The following CALHM3 variants were observed in gnomAD, a reference collection of about 807,000 sequenced individuals.
CALHM3 encodes the protein calcium homeostasis modulator protein 3.
Under a neutral mutation model 13.6 loss-of-function variants are expected in CALHM3, and 9 were observed. The observed-to-expected ratio is 0.66, with a 90% CI of 0.40 to 1.15. CALHM3 has a LOEUF of 1.15. Among genes scored for constraint, CALHM3 ranks in the 50% most tolerant of loss-of-function variants. CALHM3 has a pLI of 0.01. For missense variants in CALHM3, 497 were observed against 463.4 expected, an observed-to-expected ratio of 1.07 and a Z score of -0.67; for synonymous variants, 231 against 213.2, an observed-to-expected ratio of 1.08 and a Z score of -0.73.
intron 1 of CALHM3, among the ~76,000 whole-genome samples, chr10:103,477,871 C>A (rs956128558): frequency 6.6e-6 from 1 of 151,748 alleles, no homozygotes; most frequent in Non-Finnish European, 1.5e-5. Context: ...CCGCGCCTGG[C>A]CCCCCCACCC....
At chr10:103,476,200 A>G (rs1421367748) in intron 2 of CALHM3, 94 bp downstream of exon 2, 1 of 1,491,830 alleles carries the variant, frequency 6.7e-7, no homozygotes, top group African/African-American at 1.4e-5. Flanking sequence ...TGAGCCCATC[A>G]TCTGTCCCTC....
Position 103,473,528 on chromosome 10 carries a change from G to A in CALHM3, c.720C>T (p.His240=). The part of the protein sequence containing the change: ...TCCEHARDFA[H]RCVLHFFASM... ...TGGCAAAGAAGTGCAGCACGCAGCGGTGCGCGAAGTCCCGCGCATGCTCAC... is the reference window on the plus strand; with the variant it reads ...TGGCAAAGAAGTGCAGCACGCAGCGATGCGCGAAGTCCCGCGCATGCTCAC... The change falls in exon 3 of 3, where the codon CAC becomes CAT. Residue 240 remains histidine, a synonymous_variant. Transcript: ENST00000369783. 6.4e-7 allele frequency: 1 copy of A among 1,551,174 alleles called. No homozygotes were observed. Among genetic ancestry groups the A allele is most frequent in the Non-Finnish European group, 8.7e-7 (1 of 1,147,006 alleles).
Position 103,473,187 on chromosome 10 carries a change from C to G in CALHM3, c.*26G>C, listed in dbSNP as rs886126933. On this transcript the variant is annotated 3_prime_UTR_variant, in exon 3 of 3. Coordinates refer to ENST00000369783, the MANE Select transcript of CALHM3 (RefSeq NM_001129742.2). ...CAGCGCGGCATTTCACCTGCGAACA[C>G]TGCCGCTTCAAGCCTGGCCAGGACC... 3 of 1,332,186 alleles carry G rather than the reference C, an allele frequency of 2.3e-6. No homozygotes were observed. The allele number at this position is 1,332,186 out of a possible 1,614,324, so 82.5% of individuals were successfully genotyped here.
chr10:103,473,937 T>C (rs1052016907), intron 2 of CALHM3, among the ~76,000 whole-genome samples: 5 of 152,156 alleles, frequency 3.3e-5, no homozygotes, highest in Admixed American at 1.3e-4. Context: ...CCAAATAAAA[T>C]AAATTGAGAA....
chr10:103,476,982 A>G (rs2033397345), intron 1 of CALHM3, among the ~76,000 whole-genome samples: 1 of 152,224 alleles, frequency 6.6e-6, no homozygotes, highest in South Asian at 2.1e-4. Context: ...CCCCAGAGGG[A>G]TGGGGCCTTG....
At chr10:103,478,481 G>A (rs187857408) in intron 1 of CALHM3, among the ~76,000 whole-genome samples, 3 of 152,308 alleles carry the variant, frequency 2.0e-5, no homozygotes, top group East Asian at 1.9e-4. Flanking sequence ...TCATTCCTAT[G>A]TTTACAGCAC....
At chr10:103,477,273 G>A (rs1035568419) in intron 1 of CALHM3, among the ~76,000 whole-genome samples, 27 of 152,176 alleles carry the variant, frequency 1.8e-4, no homozygotes, top group African/African-American at 6.5e-4. Context: ...CCTGCCTGTA[G>A]TGACCTCGAC....
chr10:103,476,099 T>G (rs931807443), intron 2 of CALHM3, among the ~76,000 whole-genome samples, 195 bp downstream of exon 2: 2 of 152,190 alleles, frequency 1.3e-5, no homozygotes, highest in Non-Finnish European at 2.9e-5. Flanking sequence ...GAGATTAGTA[T>G]TATTTCTCAC....
chr10:103,473,625 G>A lies in CALHM3; in HGVS notation c.623C>T (p.Thr208Ile). 1.3e-6 allele frequency: 2 copies of A among 1,551,298 alleles called. No homozygotes were observed. The highest frequency in any genetic ancestry group is 1.7e-6 in the Non-Finnish European group (2 of 1,147,018). ...CCAGTATCTGCGCTGCAGGAAGACT[G>A]TCTGGTCGAAGCAGGGCCTCAGGCA... ...ARCLRPCFDQ[T>I]VFLQRRYWSN... is the part of the protein sequence containing the mutation. The change falls in exon 3 of 3, where the codon ACA (threonine) becomes ATA (isoleucine). Residue 208 changes from threonine (T) to isoleucine (I), a missense_variant. Transcript: ENST00000369783.
chr10:103,476,492 C>A lies in CALHM3; in HGVS notation c.345G>T (p.Leu115=), dbSNP rs2033390629. The A allele has an allele frequency of 1.3e-6, 2 of 1,551,678 alleles. No homozygotes were observed. Among genetic ancestry groups the A allele is most frequent in the Non-Finnish European group, 1.7e-6 (2 of 1,147,010 alleles). Residue 115 remains leucine, a synonymous_variant, in exon 2 of 3, where the codon CTG becomes CTT. Transcript: ENST00000369783. ...AGCACTTCCCGTCAAGGAGGGCCAG[C>A]AGGATCCAGACCAGGGGGGCGGCCA... The part of the protein sequence containing the change: ...RALAAPLVWI[L]LALLDGKCFV...
chr10:103,477,876 C>G (rs779615858), intron 1 of CALHM3, among the ~76,000 whole-genome samples: 26 of 152,152 alleles, frequency 1.7e-4, no homozygotes, highest in Non-Finnish European at 3.4e-4. Context: ...CCTGGCCCCC[C>G]CACCCAATCT....
At chr10:103,476,051 C>T (rs1040284376) in intron 2 of CALHM3, among the ~76,000 whole-genome samples, 23 of 152,194 alleles carry the variant, frequency 1.5e-4, no homozygotes, top group African/African-American at 5.3e-4. Flanking sequence ...ATATAAAATG[C>T]TCACTGCAGT....
chr10:103,475,444 C>G (rs2033377463), intron 2 of CALHM3, among the ~76,000 whole-genome samples: 1 of 152,224 alleles, frequency 6.6e-6, no homozygotes, highest in African/African-American at 2.4e-5. Flanking sequence ...CATGCTCTTT[C>G]CACCGAACTA....
At position 103,473,128 on chromosome 10, in the gene CALHM3, G is replaced by C. The variant is rs541076744; in HGVS notation, c.*85C>G. ...CAAGACTTAGGGTGCCTGCCGTGGG[G>C]TCCCCACGGCCTGGAAAGACTCCAG... On this transcript the variant is annotated 3_prime_UTR_variant, in exon 3 of 3. Coordinates refer to ENST00000369783, the MANE Select transcript of CALHM3 (RefSeq NM_001129742.2). The C allele has an allele frequency of 2.8e-5, 35 of 1,254,446 alleles. No individual in the cohort carries two copies. In the East Asian group the frequency reaches 9.4e-4, roughly 34 times the overall value. 77.7% of individuals were successfully genotyped at this position (1,254,446 alleles called of 1,614,324 possible). A position where few individuals can be genotyped will look rare whatever the true frequency, so the allele number is the denominator to read the frequency against.
In CALHM3 at chr10:103,476,327, C is replaced by T; in HGVS notation, c.510G>A (p.Lys170=). 2.6e-6 allele frequency: 4 copies of T among 1,551,618 alleles called. No homozygotes were observed. The highest frequency in any genetic ancestry group is 2.4e-5 in the South Asian group (2 of 84,064). The part of the protein sequence containing the change: ...DELVRDSPAR[K]AVSRYLRCLS... ...GGCACCGCAGGTAGCGAGACACTGC[C>T]TTCCGAGCAGGGCTATCCCTGACCA... Residue 170 remains lysine, a synonymous_variant, in exon 2 of 3, where the codon AAG becomes AAA. Coordinates refer to ENST00000369783, the MANE Select transcript of CALHM3 (RefSeq NM_001129742.2).
At chr10:103,477,779 G>C (rs539451543) in intron 1 of CALHM3, among the ~76,000 whole-genome samples, 1 of 152,092 alleles carries the variant, frequency 6.6e-6, no homozygotes, top group South Asian at 2.1e-4. Flanking sequence ...TGCCATGTTG[G>C]CCAGAGTGGT....
chr10:103,476,148 G>A, intron 2 of CALHM3, 146 bp downstream of exon 2: 1 of 1,079,464 alleles, frequency 9.3e-7, no homozygotes, highest in Admixed American at 2.3e-5. Context: ...AGGCAAGGCA[G>A]AGCAGTGGTC....
At position 103,473,713 on chromosome 10, in the gene CALHM3, T is replaced by TA. The variant is rs2033357144; in HGVS notation, c.544-10dup. On this transcript the variant is annotated splice_polypyrimidine_tract_variant and intron_variant, in intron 2 of 2. Coordinates refer to ENST00000369783, the MANE Select transcript of CALHM3 (RefSeq NM_001129742.2). Reference sequence around the variant, plus strand: ...ACGCTCCAGCCGATGGCCTGCAAAGTAAGGAGGCCCGAGGTTAGATGTGAG... The same window carrying TA: ...ACGCTCCAGCCGATGGCCTGCAAAGTAAAGGAGGCCCGAGGTTAGATGTGAG... 1 of 1,541,304 alleles carries TA rather than the reference T, an allele frequency of 6.5e-7. No homozygotes were observed. The highest frequency in any genetic ancestry group is 2.0e-5 in the Admixed American group (1 of 50,362).
rs1342137208 is a variant in CALHM3, at chr10:103,479,080, C to G, written c.-48G>C. ...CGGCCGTCGGTTCGGCTCAGTGAGG[C>G]TCTGGCCACCTTCCTGGTGTCTGCT... On this transcript the variant is annotated 5_prime_UTR_variant, in exon 1 of 3. Coordinates refer to ENST00000369783, the MANE Select transcript of CALHM3 (RefSeq NM_001129742.2). 6.6e-7 allele frequency: 1 copy of G among 1,505,140 alleles called. No individual in the cohort carries two copies. Among genetic ancestry groups the G allele is most frequent in the Admixed American group, 2.0e-5 (1 of 49,142 alleles). 93.2% of individuals were successfully genotyped at this position (1,505,140 alleles called of 1,614,324 possible).
Sources: gnomAD v4.1 joint callset for allele counts (sites outside exome capture counted in the v4.1 genomes callset) on GRCh38, gnomAD v4.1.1 for gene constraint, MANE v1.5 for transcripts, NCBI Gene and HGNC (gene_info 2026-07-23, HGNC 2026-07-21) for gene names.